Variants in HSD17B12 observed in about 807,000 individuals in gnomAD.
The protein encoded by HSD17B12 is hydroxysteroid 17-beta dehydrogenase 12, also known as very-long-chain 3-oxoacyl-CoA reductase.
In HSD17B12, 32 loss-of-function variants were observed where a neutral mutation model predicts 39.3. The observed-to-expected ratio is 0.81, with a 90% CI of 0.61 to 1.09. The LOEUF is 1.09. HSD17B12 is among the 50% of genes least tolerant of loss of function. The pLI is 0.00. For synonymous variants in HSD17B12, 150 were observed against 146.7 expected (o/e 1.02, Z -0.16); for missense variants, 342 against 382.9 (o/e 0.89, Z 0.89).
intron 1 of HSD17B12, among the ~76,000 whole-genome samples, chr11:43,717,052 C>T (rs1412840205): frequency 6.6e-6 from 1 of 152,044 alleles, no homozygotes; most frequent in Admixed American, 6.6e-5. Context: ...AAAATAGCTC[C>T]TGGTACAGTG....
chr11:43,697,236 C>T (rs1225562377), intron 1 of HSD17B12, among the ~76,000 whole-genome samples: 2 of 152,128 alleles, frequency 1.3e-5, no homozygotes, highest in Non-Finnish European at 2.9e-5. Flanking sequence ...GCAGAAGACA[C>T]AGACATTATA....
intron 4 of HSD17B12, among the ~76,000 whole-genome samples, chr11:43,814,575 G>T (rs932381333): frequency 6.6e-6 from 1 of 152,042 alleles, no homozygotes; most frequent in African/African-American, 2.4e-5. Flanking sequence ...ATATATATAG[G>T]TTTATTCATA....
chr11:43,698,360 A>C (rs1276381747), intron 1 of HSD17B12, among the ~76,000 whole-genome samples: 2 of 152,222 alleles, frequency 1.3e-5, no homozygotes, highest in Admixed American at 6.5e-5. Context: ...CCATCATTTA[A>C]GTTGTTCTAA....
intron 6 of HSD17B12, among the ~76,000 whole-genome samples, chr11:43,821,186 T>C (rs1206751442): frequency 2.0e-5 from 3 of 152,196 alleles, no homozygotes; most frequent in Non-Finnish European, 4.4e-5. Context: ...TTATCCAGCA[T>C]TTTGAGTTTA....
intron 3 of HSD17B12, among the ~76,000 whole-genome samples, chr11:43,772,657 A>G (rs1950660608): frequency 6.6e-6 from 1 of 152,222 alleles, no homozygotes; most frequent in African/African-American, 2.4e-5. Context: ...ATGCCGATGT[A>G]CTAGCTTGTG....
intron 1 of HSD17B12, among the ~76,000 whole-genome samples, chr11:43,725,899 C>A (rs1950216239): frequency 2.6e-5 from 4 of 152,000 alleles, no homozygotes; most frequent in Admixed American, 1.3e-4. Flanking sequence ...TGAGCCATCT[C>A]AAAATGGAAG....
chr11:43,712,405 G>A (rs1454887632), intron 1 of HSD17B12, among the ~76,000 whole-genome samples: 7 of 152,048 alleles, frequency 4.6e-5, no homozygotes, highest in Admixed American at 1.3e-4. Context: ...CCAGCCTGGC[G>A]ACAGAGTGAG....
chr11:43,657,955 T>TG, the HSD17B12 span, among the ~76,000 whole-genome samples: 1 of 152,236 alleles, frequency 6.6e-6, no homozygotes, highest in African/African-American at 2.4e-5. Context: ...CTTGCCAGAT[T>TG]GGGGAAGTTC....
intron 3 of HSD17B12, among the ~76,000 whole-genome samples, chr11:43,793,227 A>C (rs1363079405): frequency 6.6e-6 from 1 of 152,180 alleles, no homozygotes; most frequent in Non-Finnish European, 1.5e-5. Context: ...ATCTTAAAGA[A>C]TGTTATAATA....
intron 3 of HSD17B12, among the ~76,000 whole-genome samples, chr11:43,796,206 A>G (rs1950914701): frequency 6.6e-6 from 1 of 152,104 alleles, no homozygotes; most frequent in Non-Finnish European, 1.5e-5. Context: ...ACTCTGAGTG[A>G]GAGGGAAATC....
rs143565882 is a variant in HSD17B12, at chr11:43,683,962, G to T, written c.160+2975G>T. Among the ~76,000 whole-genome samples, 718 of 152,232 alleles carry T rather than the reference G, an allele frequency of 4.7e-3. 3 individuals are homozygous for T. The highest frequency in any genetic ancestry group is 0.016 in the African/African-American group (678 of 41,548). On this transcript the variant is annotated intron_variant, in intron 1 of 10. Transcript: ENST00000278353. ...CACAAATTGGCTCTTCTAAATTTAA[G>T]AACAAAAACTTTGAAAAACTTGAAA... is the stretch of plus-strand genomic sequence containing the variant.
chr11:43,712,404 C>T lies in HSD17B12; in HGVS notation c.160+31417C>T, dbSNP rs11037576. The stretch of plus-strand genomic sequence containing the variant: ...ATGTTGCCACTGCACTCCAGCCTGG[C>T]GACAGAGTGAGACTCTGTCTCAAAA... On this transcript the variant is annotated intron_variant, in intron 1 of 10. Transcript: ENST00000278353. Among the ~76,000 whole-genome samples the T allele has an allele frequency of 3.6e-3, 551 of 152,042 alleles. 3 individuals carry two copies. The highest frequency in any genetic ancestry group is 0.034 in the East Asian group (176 of 5,164).
rs866218248 is a variant in HSD17B12 at position 43,684,898 on chromosome 11, C to G, written c.160+3911C>G. 8.5e-5 allele frequency among the ~76,000 whole-genome samples: 13 copies of G among 152,328 alleles called. No homozygotes were observed. The South Asian group carries it at 2.7e-3, about 32-fold the overall frequency. On this transcript the variant is annotated intron_variant, in intron 1 of 10. Transcript: ENST00000278353. The stretch of plus-strand genomic sequence containing the variant: ...CCAGCCCTAGTCAACTACCAATCTA[C>G]TTTCTGTCTACGTAGGTTTGCCTGT...
At chr11:43,854,958 A>G (rs2135154238) in intron 10 of HSD17B12, 94 bp downstream of exon 10, 1 of 1,297,016 alleles carries the variant, frequency 7.7e-7, no homozygotes, top group East Asian at 2.4e-5. Flanking sequence ...ATTAGCACAT[A>G]TACATTGTCC....
intron 1 of HSD17B12, among the ~76,000 whole-genome samples, chr11:43,688,048 C>T (rs1404329699): frequency 6.6e-6 from 1 of 152,076 alleles, no homozygotes; most frequent in East Asian, 1.9e-4. Flanking sequence ...CACATCTCTA[C>T]TAAAAATACA....
chr11:43,601,943 G>A, the HSD17B12 span, among the ~76,000 whole-genome samples: 1 of 152,172 alleles, frequency 6.6e-6, no homozygotes, highest in Non-Finnish European at 1.5e-5. Context: ...CTGCTGCCCA[G>A]CCCCACCCCA....
the HSD17B12 span, among the ~76,000 whole-genome samples, chr11:43,608,799 T>C: frequency 1.3e-5 from 2 of 152,210 alleles, no homozygotes; most frequent in African/African-American, 4.8e-5. Flanking sequence ...AAATTGCTTT[T>C]CAGAAAACTT....
Position 43,792,000 on chromosome 11 carries a change from G to A in HSD17B12, c.284-6320G>A, listed in dbSNP as rs115286868. Among the ~76,000 whole-genome samples, 842 of 152,254 alleles carry A rather than the reference G, an allele frequency of 5.5e-3. 6 individuals are homozygous for A. Among genetic ancestry groups the A allele is most frequent in the African/African-American group, 0.019 (803 of 41,536 alleles). On this transcript the variant is annotated intron_variant, in intron 3 of 10. Transcript: ENST00000278353. ...AAAGGAAATAGACCATTATTTGTGT[G>A]GCATCTCTGCTCATTGTAATTAAAT... is the stretch of plus-strand genomic sequence containing the variant.
chr11:43,815,645 G>A (rs1951115506), intron 5 of HSD17B12, 144 bp downstream of exon 5: 2 of 484,596 alleles, frequency 4.1e-6, no homozygotes, highest in Non-Finnish European at 3.8e-6. Flanking sequence ...CTGGGTATGG[G>A]CCTAGCCATA....
Sources: gnomAD v4.1 joint callset for allele counts (sites outside exome capture counted in the v4.1 genomes callset) on GRCh38, gnomAD v4.1.1 for gene constraint, MANE v1.5 for transcripts, NCBI Gene and HGNC (gene_info 2026-07-23, HGNC 2026-07-21) for gene names.